The following MKLN1 variants were observed in gnomAD, a reference collection of about 807,000 sequenced individuals.
The protein encoded by MKLN1 is muskelin 1.
Under a neutral mutation model 99.0 loss-of-function variants are expected in MKLN1, and 18 were observed. That is an observed-to-expected ratio of 0.18 (90% CI 0.13 to 0.27). The LOEUF is 0.27. Ranked by LOEUF, MKLN1 falls within the 10% of genes least tolerant of loss-of-function variation. The pLI, the probability that MKLN1 is intolerant of heterozygous loss-of-function variation, is 1.00. For missense variants in MKLN1, 621 were observed against 875.9 expected (o/e 0.71, Z 3.67); for synonymous variants, 288 against 293.2 (o/e 0.98, Z 0.18).
chr7:131,188,085 C>A (rs1796479234), intron 2 of MKLN1, among the ~76,000 whole-genome samples: 1 of 152,070 alleles, frequency 6.6e-6, no homozygotes, highest in Non-Finnish European at 1.5e-5. Context: ...ATGTGGTAAA[C>A]AATAGGTTAT....
intron 3 of MKLN1, among the ~76,000 whole-genome samples, chr7:131,275,911 G>C (rs527899874): frequency 1.3e-5 from 2 of 152,302 alleles, no homozygotes; most frequent in South Asian, 2.1e-4. Flanking sequence ...GTTTGACCAA[G>C]GCAGGCCTTC....
chr7:131,288,097 C>T (rs1295030499), intron 3 of MKLN1, among the ~76,000 whole-genome samples: 3 of 152,120 alleles, frequency 2.0e-5, no homozygotes, highest in Non-Finnish European at 4.4e-5. Context: ...GCCCCATGTC[C>T]TTCTCTGCCA....
At chr7:131,185,216 T>G (rs982099621) in intron 2 of MKLN1, among the ~76,000 whole-genome samples, 2 of 152,100 alleles carry the variant, frequency 1.3e-5, no homozygotes, top group African/African-American at 2.4e-5. Flanking sequence ...ATTCTCTGAC[T>G]CCTAACCTTA....
At chr7:131,239,906 G>C (rs933852361) in intron 3 of MKLN1, among the ~76,000 whole-genome samples, 2 of 151,850 alleles carry the variant, frequency 1.3e-5, no homozygotes, top group African/African-American at 4.8e-5. Context: ...GTAAGGCCAG[G>C]CTTGGTGGCT....
At chr7:131,443,065 A>G (rs1031892403) in intron 10 of MKLN1, among the ~76,000 whole-genome samples, 3 of 152,194 alleles carry the variant, frequency 2.0e-5, no homozygotes, top group Non-Finnish European at 4.4e-5. Flanking sequence ...CACCACTCTT[A>G]TTTGCATATC....
At chr7:131,113,276 A>C (rs890215384) in intron 1 of MKLN1, among the ~76,000 whole-genome samples, 2 of 152,226 alleles carry the variant, frequency 1.3e-5, no homozygotes, top group Non-Finnish European at 2.9e-5. Flanking sequence ...TTCCAAGCAA[A>C]GAAAGTACTA....
chr7:131,294,809 G>T (rs989639948), intron 3 of MKLN1, among the ~76,000 whole-genome samples: 2 of 152,162 alleles, frequency 1.3e-5, no homozygotes, highest in African/African-American at 4.8e-5. Context: ...ATTCCAGGCT[G>T]CCTGGTGCCA....
chr7:131,160,866 G>A (rs1796037727), intron 2 of MKLN1, among the ~76,000 whole-genome samples: 1 of 151,996 alleles, frequency 6.6e-6, no homozygotes, highest in African/African-American at 2.4e-5. Context: ...TTGATCACAT[G>A]TATTACTTAG....
chr7:131,430,327 A>G (rs1206693926), intron 9 of MKLN1, among the ~76,000 whole-genome samples: 1 of 152,068 alleles, frequency 6.6e-6, no homozygotes, highest in Non-Finnish European at 1.5e-5. Context: ...ATTTTTTCAA[A>G]TAGATGTTGA....
At chr7:131,193,817 G>A (rs1296596853) in intron 2 of MKLN1, among the ~76,000 whole-genome samples, 2 of 151,778 alleles carry the variant, frequency 1.3e-5, no homozygotes, top group Non-Finnish European at 1.5e-5. Flanking sequence ...TTGTAGAGAT[G>A]TGGTTTCCTT....
At chr7:131,372,682 A>G (rs1584664675) in intron 1 of MKLN1, among the ~76,000 whole-genome samples, 1 of 150,468 alleles carries the variant, frequency 6.6e-6, no homozygotes, top group East Asian at 1.9e-4. Flanking sequence ...GCTCTTCTAA[A>G]GTGTGCTTTG....
chr7:131,344,398 T>C (rs926381169), intron 1 of MKLN1, among the ~76,000 whole-genome samples: 16 of 152,172 alleles, frequency 1.1e-4, no homozygotes, highest in African/African-American at 3.9e-4. Flanking sequence ...AAGGATTTTT[T>C]AATAGAAAAG....
intron 8 of MKLN1, among the ~76,000 whole-genome samples, chr7:131,415,928 T>C (rs1169770216): frequency 2.0e-5 from 3 of 152,132 alleles, no homozygotes; most frequent in Non-Finnish European, 4.4e-5. Context: ...ATCAGTACTA[T>C]AAGGAAAATA....
At chr7:131,408,211 C>T (rs1040759844) in intron 6 of MKLN1, among the ~76,000 whole-genome samples, 1 of 151,944 alleles carries the variant, frequency 6.6e-6, no homozygotes, top group African/African-American at 2.4e-5. Flanking sequence ...TAAGCTTTAC[C>T]GTCTTAGTAA....
chr7:131,328,360 G>T, intron 1 of MKLN1: 1 of 269,434 alleles, frequency 3.7e-6, no homozygotes, highest in Non-Finnish European at 7.3e-6. Flanking sequence ...CTGCCCGCGG[G>T]CAAACTACCC....
intron 3 of MKLN1, among the ~76,000 whole-genome samples, chr7:131,229,074 T>C (rs1797200874): frequency 6.6e-6 from 1 of 152,090 alleles, no homozygotes. Flanking sequence ...AAGGTGTACA[T>C]TGGTTCAGCC....
At chr7:131,419,248 T>A (rs534864508) in intron 8 of MKLN1, among the ~76,000 whole-genome samples, 93 of 118,384 alleles carry the variant, frequency 7.9e-4, no homozygotes, top group South Asian at 4.5e-3. Flanking sequence ...ATATATATAT[T>A]TTTGTTTTTT....
At chr7:131,117,213 C>T (rs561095557) in intron 1 of MKLN1, among the ~76,000 whole-genome samples, 72 of 152,090 alleles carry the variant, frequency 4.7e-4, no homozygotes, top group African/African-American at 1.6e-3. Flanking sequence ...GGGCGGATCA[C>T]GAGGTCAGGA....
intron 12 of MKLN1, among the ~76,000 whole-genome samples, chr7:131,452,940 A>G (rs1002642573): frequency 1.3e-5 from 2 of 152,226 alleles, no homozygotes; most frequent in Non-Finnish European, 2.9e-5. Context: ...TCATTAACAT[A>G]GATTAGTTAC....
Sources: allele counts gnomAD v4.1 joint callset (sites outside exome capture counted in the v4.1 genomes callset), GRCh38; gene constraint gnomAD v4.1.1; transcripts MANE v1.5; gene names NCBI Gene and HGNC (gene_info 2026-07-23, HGNC 2026-07-21).